Variants in MYLK2 observed in about 807,000 individuals in gnomAD.
MYLK2 encodes myosin light chain kinase 2, skeletal/cardiac muscle.
MYLK2 carries 27 observed loss-of-function variants against 58.2 expected under a neutral mutation model. The ratio of observed to expected loss-of-function variants is 0.46; its 90% confidence interval spans 0.34 to 0.64. MYLK2 has a LOEUF of 0.64. MYLK2 is among the 30% of genes least tolerant of loss of function. The pLI is 0.01. For synonymous variants in MYLK2, 310 were observed against 296.7 expected, an observed-to-expected ratio of 1.04 and a Z score of -0.46; for missense variants, 676 against 764.3, an observed-to-expected ratio of 0.88 and a Z score of 1.36.
chr20:31,820,659 T>A, intron 3 of MYLK2, 113 bp downstream of exon 3: 2 of 1,322,866 alleles, frequency 1.5e-6, no homozygotes, highest in Non-Finnish European at 2.1e-6. Context: ...CTGGGGAGTG[T>A]AGTTCTGACA....
rs2062320467 is a variant in MYLK2, at chr20:31,833,863, G to A, written c.*66G>A. 16 of 1,493,918 alleles carry A rather than the reference G, an allele frequency of 1.1e-5. No homozygotes were observed. The highest frequency in any genetic ancestry group is 1.4e-5 in the Non-Finnish European group (15 of 1,083,280). The allele number at this position is 1,493,918 out of a possible 1,614,324, so 92.5% of individuals were successfully genotyped here. A position where few individuals can be genotyped will look rare whatever the true frequency, so the allele number is the denominator to read the frequency against. ...GCCGGGGCTGAAGCCACACAGCCCA[G>A]AAGGCCAGAAAAGGCAGCCAGATCC... On this transcript the variant is annotated 3_prime_UTR_variant, in exon 13 of 13. Transcript: ENST00000375985.
Position 31,831,866 on chromosome 20 carries a change from C to A in MYLK2, c.1577+11C>A, listed in dbSNP as rs2062308148. 1 of 1,614,038 alleles carries A rather than the reference C, an allele frequency of 6.2e-7. No individual in the cohort carries two copies. On this transcript the variant is annotated intron_variant, in intron 11 of 12. Coordinates refer to ENST00000375985, the MANE Select transcript of MYLK2 (RefSeq NM_033118.4). ...CGTCAAGGACCAGAGGTGAGGCTCA[C>A]CCCAGAACCTGAACTGTATGTGTGC...
At chr20:31,826,465 G>T in intron 6 of MYLK2, 140 bp from the exon 7 acceptor site, 2 of 1,128,980 alleles carry the variant, frequency 1.8e-6, no homozygotes, top group Non-Finnish European at 2.6e-6. Flanking sequence ...TGTGGGGGTG[G>T]GGGAGAGAGG....
rs779321042 is a variant in MYLK2 at position 31,820,260 on chromosome 20, G to A, written c.187G>A (p.Asp63Asn). 6.2e-7 allele frequency: 1 copy of A among 1,614,034 alleles called. No homozygotes were observed. The highest frequency in any genetic ancestry group is 8.5e-7 in the Non-Finnish European group (1 of 1,180,042). Reference protein sequence around the residue: ...DAKAPASEKGDGTLAQPSTSS... With the variant: ...DAKAPASEKGNGTLAQPSTSS... ...CAAAGCCCCTGCCTCAGAGAAAGGG[G>A]ATGGTACCCTGGCCCAACCCTCAAC... The change falls in exon 3 of 13, where the codon GAT (aspartate) becomes AAT (asparagine). Residue 63 changes from aspartate (D) to asparagine (N), a missense_variant. Asp to Asn is a conservative substitution (Grantham distance 23, BLOSUM62 1). This residue lies in a region of MYLK2 where 306 missense variants were observed against 296.5 expected (regional missense o/e 1.03). Coordinates refer to ENST00000375985, the MANE Select transcript of MYLK2 (RefSeq NM_033118.4).
chr20:31,828,122 A>G, intron 8 of MYLK2: 2 of 925,556 alleles, frequency 2.2e-6, no homozygotes, highest in Non-Finnish European at 2.6e-6. Context: ...TCCTGACCTC[A>G]GGTGATCTGC....
At chr20:31,824,776 G>A (rs2062270401) in intron 6 of MYLK2, among the ~76,000 whole-genome samples, 1 of 152,208 alleles carries the variant, frequency 6.6e-6, no homozygotes, top group Non-Finnish European at 1.5e-5. Flanking sequence ...GGCCTGGGCT[G>A]GGTTCAGAGG....
chr20:31,830,805 C>T lies in MYLK2; in HGVS notation c.1225-14C>T. 1 of 1,613,798 alleles carries T rather than the reference C, an allele frequency of 6.2e-7. No individual in the cohort carries two copies. The highest frequency in any genetic ancestry group is 8.5e-7 in the Non-Finnish European group (1 of 1,179,942). On this transcript the variant is annotated splice_polypyrimidine_tract_variant and intron_variant, in intron 8 of 12. Transcript: ENST00000375985. ...TGGTCAGAGGCCCACCCAGGCCACC[C>T]CCTTTCTCCTCAGCCAGAGAACATC...
intron 10 of MYLK2, 123 bp from the exon 11 acceptor site, chr20:31,831,580 G>A: frequency 8.7e-7 from 1 of 1,146,676 alleles, no homozygotes; most frequent in South Asian, 1.4e-5. Flanking sequence ...TCCCACGAGA[G>A]GCTGGGGGTC....
chr20:31,830,942 A>G (rs2062303286), intron 9 of MYLK2, 53 bp downstream of exon 9: 1 of 1,611,970 alleles, frequency 6.2e-7, no homozygotes, highest in Non-Finnish European at 8.5e-7. Flanking sequence ...TTGGCAGGGG[A>G]CAGGGGTGGG....
In MYLK2 at chr20:31,820,241, C is replaced by A. The variant is rs2062245129; in HGVS notation, c.168C>A (p.Ala56=). 3.1e-6 allele frequency: 5 copies of A among 1,614,090 alleles called. No homozygotes were observed. Among genetic ancestry groups the A allele is most frequent in the Non-Finnish European group, 4.2e-6 (5 of 1,180,034 alleles). Residue 56 remains alanine (A), a synonymous_variant, in exon 3 of 13, where the codon GCC becomes GCA. Coordinates refer to ENST00000375985, the MANE Select transcript of MYLK2 (RefSeq NM_033118.4). ...DPPTLKKDAK[A]PASEKGDGTL... is the part of the protein sequence containing the mutation. ...CCACCCTGAAGAAAGATGCCAAAGC[C>A]CCTGCCTCAGAGAAAGGGGATGGTA...
intron 4 of MYLK2, 58 bp downstream of exon 4, chr20:31,821,795 G>T: frequency 6.6e-7 from 1 of 1,508,818 alleles, no homozygotes; most frequent in East Asian, 2.3e-5. Context: ...AGGGAAGGGG[G>T]CTGTCAGTCC....
intron 8 of MYLK2, chr20:31,828,050 G>C (rs889558731): frequency 1.2e-5 from 4 of 330,982 alleles, no homozygotes; most frequent in African/African-American, 2.2e-5. Flanking sequence ...ACCATGCCCG[G>C]CTAATTTTTG....
At position 31,833,895 on chromosome 20, in the gene MYLK2, C is replaced by A; in HGVS notation, c.*98C>A. On this transcript the variant is annotated 3_prime_UTR_variant, in exon 13 of 13. Transcript: ENST00000375985. ...AGAAAAGGCAGCCAGATCCCCAGGGCAGCCTCGTTAGGACAAGGCTGTGCC... is the reference window on the plus strand; with the variant it reads ...AGAAAAGGCAGCCAGATCCCCAGGGAAGCCTCGTTAGGACAAGGCTGTGCC... 10 of 1,166,850 alleles carry A rather than the reference C, an allele frequency of 8.6e-6. No individual in the cohort carries two copies. The highest frequency in any genetic ancestry group is 1.2e-5 in the Non-Finnish European group (10 of 800,096). The allele number at this position is 1,166,850 out of a possible 1,614,324, so 72.3% of individuals were successfully genotyped here.
chr20:31,830,685 G>A, intron 8 of MYLK2, 134 bp from the exon 9 acceptor site: 1 of 912,988 alleles, frequency 1.1e-6, no homozygotes, highest in East Asian at 2.4e-5. Flanking sequence ...AGGCAGGGCT[G>A]GAGGGTCTCT....
chr20:31,831,689 TC>T lies in MYLK2; in HGVS notation c.1425-10del, dbSNP rs1473791143. ...AATCTCACCTCCCTGCCCCCTGCTA[TC>T]CCCTCCCTCTAGGCTGAGCGGCCTC... On this transcript the variant is annotated splice_polypyrimidine_tract_variant and intron_variant, in intron 10 of 12. Coordinates refer to ENST00000375985, the MANE Select transcript of MYLK2 (RefSeq NM_033118.4). 6.2e-7 allele frequency: 1 copy of T among 1,613,824 alleles called. No individual in the cohort carries two copies.
At position 31,834,333 on chromosome 20, in the gene MYLK2, C is replaced by T. The variant is rs111730367; in HGVS notation, c.*536C>T. 1,913 of 165,698 alleles carry T rather than the reference C, an allele frequency of 0.012. 32 individuals carry two copies. The highest frequency in any genetic ancestry group is 0.044 in the African/African-American group (1,838 of 41,766). The allele number at this position is 165,698 out of a possible 1,614,324, so 10.3% of individuals were successfully genotyped here. A position where few individuals can be genotyped will look rare whatever the true frequency, so the allele number is the denominator to read the frequency against. On this transcript the variant is annotated 3_prime_UTR_variant, in exon 13 of 13. Coordinates refer to ENST00000375985, the MANE Select transcript of MYLK2 (RefSeq NM_033118.4). The stretch of plus-strand genomic sequence containing the variant: ...GCTTTGTGAGAGAGGACCTCCATGC[C>T]CCCGCCACCTCCCCACTCCAGCAGA...
chr20:31,830,931 G>A lies in MYLK2; in HGVS notation c.1295+42G>A. The A allele has an allele frequency of 2.5e-6, 4 of 1,590,368 alleles. 1 individual carries two copies. Among genetic ancestry groups the A allele is most frequent in the Middle Eastern group, 1.7e-4 (1 of 5,970 alleles). ...TGGGGAGGGCAAGACAAGCCTCTGAGTTGGCAGGGGACAGGGGTGGGGTGG... is the reference window on the plus strand; with the variant it reads ...TGGGGAGGGCAAGACAAGCCTCTGAATTGGCAGGGGACAGGGGTGGGGTGG... On this transcript the variant is annotated intron_variant, in intron 9 of 12. Coordinates refer to ENST00000375985, the MANE Select transcript of MYLK2 (RefSeq NM_033118.4).
intron 3 of MYLK2, 107 bp from the exon 4 acceptor site, chr20:31,821,332 A>T (rs1337168292): frequency 1.2e-5 from 16 of 1,338,708 alleles, no homozygotes; most frequent in Non-Finnish European, 1.5e-5. Flanking sequence ...GTATTACACC[A>T]TGCATTTGGG....
rs749491327 is a variant in MYLK2 at position 31,833,798 on chromosome 20, G to A, written c.*1G>A. 4 of 1,612,096 alleles carry A rather than the reference G, an allele frequency of 2.5e-6. No homozygotes were observed. In the South Asian group the frequency reaches 4.4e-5, roughly 18 times the overall value. Reference sequence around the variant, plus strand: ...GGCACTGATGGCTCTGGGGGTCTGAGCCCTGGGCGCAGCTGAAGCCTGGAC... The same window carrying A: ...GGCACTGATGGCTCTGGGGGTCTGAACCCTGGGCGCAGCTGAAGCCTGGAC... On this transcript the variant is annotated 3_prime_UTR_variant, in exon 13 of 13. Coordinates refer to ENST00000375985, the MANE Select transcript of MYLK2 (RefSeq NM_033118.4).
Sources: allele counts gnomAD v4.1 joint callset (sites outside exome capture counted in the v4.1 genomes callset), GRCh38; gene constraint gnomAD v4.1.1; regional missense constraint gnomAD v4.1.1; transcripts MANE v1.5; gene names NCBI Gene and HGNC (gene_info 2026-07-23, HGNC 2026-07-21).